Variants in TIMM23B observed in about 807,000 individuals in gnomAD.
The protein encoded by TIMM23B is mitochondrial import inner membrane translocase subunit Tim23B.
Under a neutral mutation model 27.3 loss-of-function variants are expected in TIMM23B, and 27 were observed. That is an observed-to-expected ratio of 0.99 (90% confidence interval 0.73 to 1.36). The LOEUF (loss-of-function observed/expected upper bound fraction) is 1.36, where lower values mean the gene tolerates loss of function less well. Among genes scored for constraint, TIMM23B ranks in the 40% most tolerant of loss-of-function variants. TIMM23B has a pLI of 0.00. For synonymous variants in TIMM23B, 73 were observed against 92.4 expected (o/e 0.79, Z 1.21); for missense variants, 205 against 244.2 (o/e 0.84, Z 1.07).
chr10:49,955,938 T>G (rs1275341306), intron 5 of TIMM23B, among the ~76,000 whole-genome samples: 1 of 152,178 alleles, frequency 6.6e-6, no homozygotes, highest in East Asian at 1.9e-4. Context: ...CCTCTCTGCT[T>G]CTTTTAATTG....
At chr10:49,969,185 T>C (rs1554856031) in intron 6 of TIMM23B, among the ~76,000 whole-genome samples, 1 of 152,156 alleles carries the variant, frequency 6.6e-6, no homozygotes, top group Admixed American at 6.5e-5. Context: ...AGGCTGGGTG[T>C]GGTAGCTCAT....
intron 6 of TIMM23B, among the ~76,000 whole-genome samples, chr10:49,965,668 C>CG (rs1840111263): frequency 7.9e-6 from 1 of 126,692 alleles, no homozygotes; most frequent in Admixed American, 7.9e-5. Flanking sequence ...TGAAATGAAA[C>CG]AAATGAAATG....
intron 2 of TIMM23B, among the ~76,000 whole-genome samples, chr10:49,950,813 A>G (rs1839505826): frequency 6.6e-6 from 1 of 152,158 alleles, no homozygotes; most frequent in East Asian, 1.9e-4. Flanking sequence ...AAGCGCTGAG[A>G]TTACAGGCGG....
intron 6 of TIMM23B, among the ~76,000 whole-genome samples, chr10:49,963,365 G>A (rs1287158530): frequency 6.6e-6 from 1 of 151,742 alleles, no homozygotes; most frequent in African/African-American, 2.4e-5. Flanking sequence ...ATAATGAATT[G>A]CCAGGTGAAA....
chr10:49,955,187 A>G, intron 5 of TIMM23B, 127 bp downstream of exon 5: 4 of 1,006,160 alleles, frequency 4.0e-6, no homozygotes, highest in East Asian at 4.8e-5. Context: ...AATCCATTCC[A>G]ATGCATAATG....
intron 6 of TIMM23B, among the ~76,000 whole-genome samples, chr10:49,963,833 C>T (rs1466063590): frequency 2.6e-5 from 4 of 152,026 alleles, no homozygotes; most frequent in East Asian, 3.9e-4. Flanking sequence ...GGCATGATAG[C>T]GGGTGCCTGT....
intron 2 of TIMM23B, among the ~76,000 whole-genome samples, chr10:49,951,088 C>T (rs2093332717): frequency 6.6e-6 from 1 of 152,120 alleles, no homozygotes; most frequent in African/African-American, 2.4e-5. Context: ...TTTATTATTG[C>T]CCAACAGACC....
chr10:49,949,436 C>T (rs1268492804), intron 2 of TIMM23B, among the ~76,000 whole-genome samples: 1 of 152,034 alleles, frequency 6.6e-6, no homozygotes, highest in Non-Finnish European at 1.5e-5. Flanking sequence ...ACTCCTTTGT[C>T]AGTTTACTCA....
intron 5 of TIMM23B, among the ~76,000 whole-genome samples, chr10:49,956,596 TC>T (rs1839734269): frequency 6.8e-6 from 1 of 146,752 alleles, no homozygotes; most frequent in Non-Finnish European, 1.5e-5. Context: ...TCTGAATTCT[TC>T]CAGGCGTTTC....
At chr10:49,953,422 T>G (rs1361869865) in intron 4 of TIMM23B, among the ~76,000 whole-genome samples, 1 of 152,216 alleles carries the variant, frequency 6.6e-6, no homozygotes, top group Non-Finnish European at 1.5e-5. Context: ...CACAGCTCAC[T>G]GTAGCCTTGA....
intron 1 of TIMM23B, among the ~76,000 whole-genome samples, 165 bp from the exon 2 acceptor site, chr10:49,944,867 C>T (rs1265147503): frequency 5.3e-5 from 8 of 152,142 alleles, no homozygotes; most frequent in African/African-American, 1.9e-4. Context: ...CAGGATGAGT[C>T]AGCCCCCAAA....
At position 49,974,369 on chromosome 10, in the gene TIMM23B, T is replaced by C. The variant is rs531608669; in HGVS notation, c.*1305T>C. Reference sequence around the variant, plus strand: ...ATTATCTGTAAAAATTGTGGGAAGTTTTCTGCACCCTGAAATTTCTGTTAT... The same window carrying C: ...ATTATCTGTAAAAATTGTGGGAAGTCTTCTGCACCCTGAAATTTCTGTTAT... On this transcript the variant is annotated 3_prime_UTR_variant, in exon 7 of 7. Coordinates refer to ENST00000651259, the MANE Select transcript of TIMM23B (RefSeq NM_001290117.2). 1 of 151,744 alleles carries C rather than the reference T, an allele frequency of 6.6e-6. No individual in the cohort carries two copies. Among genetic ancestry groups the C allele is most frequent in the South Asian group, 2.1e-4 (1 of 4,808 alleles). 9.4% of individuals were successfully genotyped at this position (151,744 alleles called of 1,614,324 possible). A position where few individuals can be genotyped will look rare whatever the true frequency, so the allele number is the denominator to read the frequency against.
chr10:49,944,744 G>T (rs1839302360), intron 1 of TIMM23B, among the ~76,000 whole-genome samples: 1 of 152,174 alleles, frequency 6.6e-6, no homozygotes, highest in South Asian at 2.1e-4. Flanking sequence ...TTTGTAAATG[G>T]CCTGGACTAC....
intron 4 of TIMM23B, among the ~76,000 whole-genome samples, chr10:49,953,967 T>G: frequency 1.3e-5 from 2 of 152,342 alleles, no homozygotes; most frequent in Non-Finnish European, 2.9e-5. Context: ...GACAACTTGC[T>G]TCCTTTCTTA....
rs1839782127 is a variant in TIMM23B at position 49,958,013 on chromosome 10, C to T, written c.404-357C>T. On this transcript the variant is annotated intron_variant, in intron 5 of 6. Coordinates refer to ENST00000651259, the MANE Select transcript of TIMM23B (RefSeq NM_001290117.2). The stretch of plus-strand genomic sequence containing the variant: ...GTAGGTCATAGAATTTCTTTATGGC[C>T]AGTTCCAAGACAGGAAGGTGTGGGG... 3.9e-5 allele frequency among the ~76,000 whole-genome samples: 6 copies of T among 152,194 alleles called. No homozygotes were observed. In the South Asian group the frequency reaches 1.2e-3, roughly 32 times the overall value.
Position 49,958,482 on chromosome 10 carries a change from T to G in TIMM23B, c.514+2T>G. ...CAGGCATGTTGTATAAATGTACAGGTGAGTACTGTTGAATGGGGAGCCATC... is the reference window on the plus strand; with the variant it reads ...CAGGCATGTTGTATAAATGTACAGGGGAGTACTGTTGAATGGGGAGCCATC... On this transcript the variant is annotated splice_donor_variant, in intron 6 of 6. Coordinates refer to ENST00000651259, the MANE Select transcript of TIMM23B (RefSeq NM_001290117.2). LOFTEE classifies it high-confidence loss of function. 6.2e-7 allele frequency: 1 copy of G among 1,609,304 alleles called. No homozygotes were observed. Among genetic ancestry groups the G allele is most frequent in the Non-Finnish European group, 8.5e-7 (1 of 1,176,038 alleles).
At chr10:49,968,899 G>T (rs1840289916) in intron 6 of TIMM23B, among the ~76,000 whole-genome samples, 1 of 152,096 alleles carries the variant, frequency 6.6e-6, no homozygotes, top group South Asian at 2.1e-4. Context: ...TTTTGAAAAA[G>T]GTCCGCCTAA....
intron 2 of TIMM23B, among the ~76,000 whole-genome samples, chr10:49,951,473 C>T (rs1289776643): frequency 2.0e-5 from 3 of 151,620 alleles, no homozygotes; most frequent in South Asian, 2.1e-4. Flanking sequence ...TGCATTGACT[C>T]TTCAAAATTG....
At position 49,956,816 on chromosome 10, in the gene TIMM23B, C is replaced by A. The variant is rs1479062936; in HGVS notation, c.404-1554C>A. Among the ~76,000 whole-genome samples the A allele has an allele frequency of 2.0e-5, 3 of 147,806 alleles. No homozygotes were observed. In the East Asian group the frequency reaches 5.8e-4, roughly 29 times the overall value. ...ATTAGAAACTGTTCTAGTGATCATT[C>A]CATGTATATCTTTGGATAAATTTTT... On this transcript the variant is annotated intron_variant, in intron 5 of 6. Coordinates refer to ENST00000651259, the MANE Select transcript of TIMM23B (RefSeq NM_001290117.2).
Sources: gnomAD v4.1 joint callset for allele counts (sites outside exome capture counted in the v4.1 genomes callset) on GRCh38, gnomAD v4.1.1 for gene constraint, MANE v1.5 for transcripts, NCBI Gene and HGNC (gene_info 2026-07-23, HGNC 2026-07-21) for gene names.